CFAP299: variants seen among roughly 807,000 people sequenced by gnomAD.
The protein encoded by CFAP299 is cilia- and flagella-associated protein 299.
Under a neutral mutation model 27.0 loss-of-function variants are expected in CFAP299, and 21 were observed. That is an observed-to-expected ratio of 0.78 (90% CI 0.55 to 1.12). The LOEUF (loss-of-function observed/expected upper bound fraction) is 1.12, where lower values mean the gene tolerates loss of function less well. CFAP299 is among the 50% of genes most tolerant of loss of function. CFAP299 has a pLI of 0.00. For missense variants in CFAP299, 310 were observed against 276.6 expected (o/e 1.12, Z -0.86); for synonymous variants, 104 against 98.1 (o/e 1.06, Z -0.36).
intron 3 of CFAP299, among the ~76,000 whole-genome samples, chr4:80,688,690 G>A (rs184459577): frequency 9.8e-5 from 15 of 152,330 alleles, no homozygotes; most frequent in East Asian, 5.8e-4. Flanking sequence ...AAAGCTGGAC[G>A]GAGAATGACT....
intron 5 of CFAP299, among the ~76,000 whole-genome samples, chr4:80,957,704 T>C (rs149885399): frequency 6.6e-6 from 1 of 152,302 alleles, no homozygotes; most frequent in African/African-American, 2.4e-5. Context: ...AGAATTGTAA[T>C]ATAGATCATA....
chr4:80,326,715 T>A, the CFAP299 span, among the ~76,000 whole-genome samples: 1 of 152,220 alleles, frequency 6.6e-6, no homozygotes, highest in South Asian at 2.1e-4. Context: ...TAGAAATAAA[T>A]GTAGATACAG....
intron 2 of CFAP299, among the ~76,000 whole-genome samples, chr4:80,471,577 TG>T (rs1729996634): frequency 5.3e-5 from 1 of 19,036 alleles, no homozygotes; most frequent in Non-Finnish European, 1.0e-4. Context: ...AGGGCGGGGG[TG>T]GGGGTGGGGG....
chr4:80,696,486 G>A (rs1355501238), intron 3 of CFAP299, among the ~76,000 whole-genome samples: 1 of 151,748 alleles, frequency 6.6e-6, no homozygotes, highest in Non-Finnish European at 1.5e-5. Context: ...ATAACAATAA[G>A]AGACAGAAAA....
intron 3 of CFAP299, among the ~76,000 whole-genome samples, chr4:80,736,917 T>C (rs1055159524): frequency 6.6e-6 from 1 of 152,154 alleles, no homozygotes; most frequent in African/African-American, 2.4e-5. Context: ...CCAACCCAAA[T>C]GTCCAACAAT....
At chr4:80,820,994 G>T (rs993927722) in intron 3 of CFAP299, among the ~76,000 whole-genome samples, 1 of 152,134 alleles carries the variant, frequency 6.6e-6, no homozygotes, top group Non-Finnish European at 1.5e-5. Flanking sequence ...AACTTTACCA[G>T]ATCCTTTTAA....
In CFAP299 at chr4:80,737,766, GAA is replaced by G. The variant is rs374406673; in HGVS notation, c.334-132221_334-132220del. Among the ~76,000 whole-genome samples the G allele has an allele frequency of 3.2e-4, 48 of 151,826 alleles. No homozygotes were observed. In the East Asian group the frequency reaches 8.7e-3, roughly 28 times the overall value. On this transcript the variant is annotated intron_variant, in intron 3 of 5. Transcript: ENST00000358105. ...AAAAGAAGAAAAAAATTAAAAAGAA[GAA>G]AAAAATAAAAATAAATTTTAAAACC...
At chr4:80,535,317 A>G (rs1162501830) in intron 2 of CFAP299, among the ~76,000 whole-genome samples, 2 of 152,022 alleles carry the variant, frequency 1.3e-5, no homozygotes, top group African/African-American at 2.4e-5. Context: ...AAAAATATTT[A>G]ATTTCACACT....
intron 4 of CFAP299, among the ~76,000 whole-genome samples, chr4:80,923,398 A>T (rs543494825): frequency 3.7e-4 from 57 of 152,158 alleles, no homozygotes; most frequent in Admixed American, 3.2e-3. Context: ...AGGCATTTTG[A>T]GCACATATAT....
chr4:80,738,779 C>G (rs1397321130), intron 3 of CFAP299, among the ~76,000 whole-genome samples: 2 of 151,374 alleles, frequency 1.3e-5, no homozygotes, highest in African/African-American at 4.9e-5. Context: ...ATTTTATTAT[C>G]TGTTTTCTGG....
intron 2 of CFAP299, among the ~76,000 whole-genome samples, chr4:80,386,021 C>A (rs981132550): frequency 1.3e-5 from 2 of 152,220 alleles, no homozygotes; most frequent in African/African-American, 2.4e-5. Flanking sequence ...CACCGGAAGG[C>A]GGCCATGAGC....
At chr4:80,541,663 A>G (rs1734001140) in intron 2 of CFAP299, among the ~76,000 whole-genome samples, 1 of 152,190 alleles carries the variant, frequency 6.6e-6, no homozygotes, top group Non-Finnish European at 1.5e-5. Flanking sequence ...TATTCTGTTC[A>G]CAAACATTCA....
At chr4:80,498,831 C>A (rs368204903) in intron 2 of CFAP299, among the ~76,000 whole-genome samples, 3 of 152,236 alleles carry the variant, frequency 2.0e-5, no homozygotes, top group African/African-American at 7.2e-5. Context: ...ATAACATATA[C>A]ATGGAATCAA....
In CFAP299 at chr4:80,670,451, G is replaced by A. The variant is rs143782322; in HGVS notation, c.333+87268G>A. On this transcript the variant is annotated intron_variant, in intron 3 of 5. Transcript: ENST00000358105. Reference sequence around the variant, plus strand: ...GTGAATAGTGCCACAGTAAACATACGTGTGCATGTGTCTTTATAGTAGCAT... The same window carrying A: ...GTGAATAGTGCCACAGTAAACATACATGTGCATGTGTCTTTATAGTAGCAT... 5.4e-3 allele frequency among the ~76,000 whole-genome samples: 821 copies of A among 152,236 alleles called. 5 individuals are homozygous for A. Among genetic ancestry groups the A allele is most frequent in the Middle Eastern group, 0.02 (6 of 294 alleles).
intron 3 of CFAP299, among the ~76,000 whole-genome samples, chr4:80,740,759 G>T (rs1724212045): frequency 6.6e-6 from 1 of 152,164 alleles, no homozygotes; most frequent in Non-Finnish European, 1.5e-5. Context: ...AGTCTTTCCT[G>T]CTCTTCCCTC....
chr4:80,821,736 G>A (rs1453692076), intron 3 of CFAP299, among the ~76,000 whole-genome samples: 3 of 152,032 alleles, frequency 2.0e-5, no homozygotes, highest in Admixed American at 1.3e-4. Context: ...ACTGATGGCC[G>A]GCTGGGCCTC....
At chr4:80,946,724 A>G (rs1578259612) in intron 5 of CFAP299, among the ~76,000 whole-genome samples, 1 of 152,148 alleles carries the variant, frequency 6.6e-6, no homozygotes, top group Non-Finnish European at 1.5e-5. Flanking sequence ...TTAGGGCTGT[A>G]TTTATTATGA....
At chr4:80,451,261 CTT>C (rs1728891923) in intron 2 of CFAP299, among the ~76,000 whole-genome samples, 1 of 152,162 alleles carries the variant, frequency 6.6e-6, no homozygotes, top group South Asian at 2.1e-4. Flanking sequence ...GCTGATATCT[CTT>C]TGTGTGTCCA....
At chr4:80,382,495 A>C (rs1410498292) in intron 2 of CFAP299, among the ~76,000 whole-genome samples, 1 of 152,218 alleles carries the variant, frequency 6.6e-6, no homozygotes. Flanking sequence ...ATTTACAAGA[A>C]CAAAACAAGC....
Sources: gnomAD v4.1 joint callset for allele counts (sites outside exome capture counted in the v4.1 genomes callset) on GRCh38, gnomAD v4.1.1 for gene constraint, MANE v1.5 for transcripts, NCBI Gene and HGNC (gene_info 2026-07-23, HGNC 2026-07-21) for gene names.